The following ADD1 variants were observed in gnomAD, a reference collection of about 807,000 sequenced individuals.
ADD1 encodes the protein alpha-adducin.
ADD1 carries 24 observed loss-of-function variants against 80.5 expected under a neutral mutation model. The observed-to-expected ratio is 0.30, with a 90% CI of 0.22 to 0.42. The LOEUF (loss-of-function observed/expected upper bound fraction) is 0.42, where lower values mean the gene tolerates loss of function less well. Among genes scored for constraint, ADD1 ranks in the 10% least tolerant of loss-of-function variants. ADD1 has a pLI of 1.00. For missense variants in ADD1, 948 were observed against 1,019.0 expected (o/e 0.93, Z 0.95); for synonymous variants, 373 against 393.8 (o/e 0.95, Z 0.63).
chr4:2,909,496 G>T (rs964045430), intron 13 of ADD1, 65 bp downstream of exon 13: 2 of 1,136,856 alleles, frequency 1.8e-6, no homozygotes, highest in African/African-American at 5.4e-5. Context: ...CCCCCTCCCC[G>T]TCTCCTCTCT....
Position 2,904,829 on chromosome 4 carries a change from T to C in ADD1, c.1227T>C (p.Asp409=), listed in dbSNP as rs751088506. The C allele has an allele frequency of 5.0e-6, 8 of 1,614,206 alleles. No individual in the cohort carries two copies. Among genetic ancestry groups the C allele is most frequent in the South Asian group, 1.1e-5 (1 of 91,082 alleles). ...ALREKSKKYS[D]VEVPASVTGY... ...GAGAGAAGTCTAAAAAATACAGCGA[T>C]GTGGAGGTTCCTGCTAGTGTCACAG... The change falls in exon 10 of 16, where the codon GAT becomes GAC. Residue 409 remains aspartate (D), a synonymous_variant. Transcript: ENST00000683351.
chr4:2,885,729 C>T (rs958444346), intron 4 of ADD1, among the ~76,000 whole-genome samples: 9 of 152,084 alleles, frequency 5.9e-5, no homozygotes, highest in Non-Finnish European at 1.2e-4. Context: ...CCTGCCTCAG[C>T]CTCCCGAGTA....
chr4:2,852,247 C>CCTTTCTTTCCTTTCTTTCTTTCTT (rs1364160509), intron 1 of ADD1, among the ~76,000 whole-genome samples: 1 of 66,250 alleles, frequency 1.5e-5, no homozygotes, highest in African/African-American at 5.3e-5. Context: ...TTCTTTCTTT[C>CCTTTCTTTCCTTTCTTTCTTTCTT]TCTTTCTTTC....
intron 1 of ADD1, among the ~76,000 whole-genome samples, chr4:2,855,821 C>G (rs183117555): frequency 6.3e-4 from 95 of 151,858 alleles, no homozygotes; most frequent in African/African-American, 2.0e-3. Flanking sequence ...CCACTTCAGC[C>G]CCCAAGTAGC....
intron 14 of ADD1, among the ~76,000 whole-genome samples, chr4:2,925,240 G>A (rs1010158892): frequency 1.3e-5 from 2 of 152,194 alleles, no homozygotes; most frequent in Non-Finnish European, 2.9e-5. Flanking sequence ...CTGGAAGGTA[G>A]CTGCCAACGT....
chr4:2,905,024 G>C lies in ADD1; in HGVS notation c.1422G>C (p.Thr474=), dbSNP rs949420270. 6.2e-7 allele frequency: 1 copy of C among 1,614,092 alleles called. No homozygotes were observed. Among genetic ancestry groups the C allele is most frequent in the African/African-American group, 1.3e-5 (1 of 74,928 alleles). ...CCAAGTCGAAGACTAAGGTGTGGAC[G>C]AACATTACACACGATCACGTGAAAC... ...SSPKSKTKVW[T]NITHDHVKPL... Residue 474 remains threonine, a synonymous_variant, in exon 10 of 16, where the codon ACG becomes ACC. Transcript: ENST00000683351.
Position 2,926,088 on chromosome 4 carries a change from A to G in ADD1, c.2023A>G (p.Ser675Gly). The stretch of plus-strand genomic sequence containing the variant: ...GCCTGCGGTCCCCCACCCGCCTCCC[A>G]GCACTCCCATCAAGCTGGAGGAAGG... ...DQPAVPHPPP[S>G]TPIKLEEDLV... The change falls in exon 15 of 16, where the codon AGC becomes GGC. Residue 675 changes from serine (S) to glycine (G), a missense_variant. Physicochemically the swap from Ser to Gly is moderately conservative, Grantham distance 56. Coordinates refer to ENST00000683351, the MANE Select transcript of ADD1 (RefSeq NM_001354761.2). The surrounding 1 kb of genome is among the most constrained non-coding windows in gnomAD (Gnocchi z 5.0). 6.2e-7 allele frequency: 1 copy of G among 1,614,126 alleles called. No individual in the cohort carries two copies. Among genetic ancestry groups the G allele is most frequent in the African/African-American group, 1.3e-5 (1 of 75,060 alleles).
At position 2,885,821 on chromosome 4, in the gene ADD1, A is replaced by G. The variant is rs546370630; in HGVS notation, c.510+1155A>G. Among the ~76,000 whole-genome samples, 116 of 151,574 alleles carry G rather than the reference A, an allele frequency of 7.7e-4. 1 individual carries two copies. Among genetic ancestry groups the G allele is most frequent in the Admixed American group, 3.4e-3 (52 of 15,270 alleles). On this transcript the variant is annotated intron_variant, in intron 4 of 15. Coordinates refer to ENST00000683351, the MANE Select transcript of ADD1 (RefSeq NM_001354761.2). ...GAGACGGGGTTTCACCGTGTTAGCCAGGATGGTCTCGATCTCCTGACCTTG... is the reference window on the plus strand; with the variant it reads ...GAGACGGGGTTTCACCGTGTTAGCCGGGATGGTCTCGATCTCCTGACCTTG...
chr4:2,859,756 G>A (rs1371922770), intron 1 of ADD1, among the ~76,000 whole-genome samples: 2 of 152,042 alleles, frequency 1.3e-5, no homozygotes, highest in Non-Finnish European at 2.9e-5. Flanking sequence ...TTACTGTAAG[G>A]TTTCCTTTCC....
At chr4:2,921,868 T>C (rs796453249) in intron 14 of ADD1, among the ~76,000 whole-genome samples, 5 of 152,100 alleles carry the variant, frequency 3.3e-5, no homozygotes, top group African/African-American at 1.2e-4. Flanking sequence ...CTTTACACTT[T>C]ATTTCATTAA....
rs948844459 is a variant in ADD1, at chr4:2,880,446, A to G, written c.196-1452A>G. ...CGGATATCATTTATAATTGTTTGAC[A>G]AGATATTTCTTTCTTTCTTTTTTTT... On this transcript the variant is annotated intron_variant, in intron 2 of 15. Coordinates refer to ENST00000683351, the MANE Select transcript of ADD1 (RefSeq NM_001354761.2). 6.1e-5 allele frequency among the ~76,000 whole-genome samples: 9 copies of G among 148,600 alleles called. 1 individual carries two copies. Among genetic ancestry groups the G allele is most frequent in the African/African-American group, 2.2e-4 (9 of 40,444 alleles).
In ADD1 at chr4:2,885,823, G is replaced by A. The variant is rs541513759; in HGVS notation, c.510+1157G>A. ...GACGGGGTTTCACCGTGTTAGCCAG[G>A]ATGGTCTCGATCTCCTGACCTTGTG... On this transcript the variant is annotated intron_variant, in intron 4 of 15. Coordinates refer to ENST00000683351, the MANE Select transcript of ADD1 (RefSeq NM_001354761.2). Among the ~76,000 whole-genome samples the A allele has an allele frequency of 4.6e-3, 693 of 152,134 alleles. 4 individuals are homozygous for A. The highest frequency in any genetic ancestry group is 0.016 in the African/African-American group (663 of 41,448).
intron 4 of ADD1, among the ~76,000 whole-genome samples, chr4:2,891,120 AT>A (rs201643585): frequency 0.018 from 2,610 of 146,692 alleles, 49 homozygotes; most frequent in African/African-American, 0.038. Context: ...CCCTGTCTCT[AT>A]TTTAAAAAAA....
chr4:2,907,699 T>C (rs1737289416), intron 10 of ADD1, 44 bp from the exon 11 acceptor site: 5 of 1,488,026 alleles, frequency 3.4e-6, no homozygotes, highest in African/African-American at 1.4e-5. Context: ...ATGTCACTTA[T>C]TGTTGTCATA....
chr4:2,899,334 C>T lies in ADD1; in HGVS notation c.1060C>T (p.Arg354Cys), dbSNP rs145933934. 5.8e-5 allele frequency: 94 copies of T among 1,614,202 alleles called. No individual in the cohort carries two copies. Among genetic ancestry groups the T allele is most frequent in the South Asian group, 3.5e-4 (32 of 91,084 alleles). The change falls in exon 9 of 16, where the codon CGT becomes TGT. Residue 354 changes from arginine to cysteine, a missense_variant. Transcript: ENST00000683351. ...TCCTGAGAAGTACAAAGCCAAGTCC[C>T]GTTCCCCAGGGTCTCCGGTAGGGGA... ...LNPEKYKAKSRSPGSPVGEGT... is the reference protein window; with the variant it reads ...LNPEKYKAKSCSPGSPVGEGT...
At chr4:2,898,597 T>C in intron 8 of ADD1, 66 bp downstream of exon 8, 1 of 1,409,298 alleles carries the variant, frequency 7.1e-7, no homozygotes, top group Admixed American at 1.7e-5. Context: ...ACATAGATTT[T>C]TTTTTGATAC....
chr4:2,865,086 T>G (rs968106659), intron 1 of ADD1, among the ~76,000 whole-genome samples: 1 of 152,156 alleles, frequency 6.6e-6, no homozygotes, highest in Non-Finnish European at 1.5e-5. Flanking sequence ...CTGCATTTCT[T>G]TATGCAAATA....
rs368119075 is a variant in ADD1, at chr4:2,889,892, G to T, written c.511-4121G>T. 1.7e-4 allele frequency among the ~76,000 whole-genome samples: 26 copies of T among 152,202 alleles called. No homozygotes were observed. In the East Asian group the frequency reaches 5.0e-3, roughly 29 times the overall value. ...GCAACCTGGAAGGTTTGTCCCACAT[G>T]TAGCCAATAGAAATTAATATCTGGA... On this transcript the variant is annotated intron_variant, in intron 4 of 15. Coordinates refer to ENST00000683351, the MANE Select transcript of ADD1 (RefSeq NM_001354761.2).
intron 1 of ADD1, among the ~76,000 whole-genome samples, chr4:2,866,069 C>T (rs1034980998): frequency 3.3e-5 from 5 of 152,224 alleles, no homozygotes; most frequent in African/African-American, 1.2e-4. Flanking sequence ...CTCCTGAAAT[C>T]TTAACTGCAG....
Sources: allele counts gnomAD v4.1 joint callset (sites outside exome capture counted in the v4.1 genomes callset), GRCh38; gene constraint gnomAD v4.1.1; non-coding constraint Gnocchi (gnomAD v3.1); transcripts MANE v1.5; gene names NCBI Gene and HGNC (gene_info 2026-07-23, HGNC 2026-07-21).